Variants in NCAM1 observed in about 807,000 individuals in gnomAD.
The protein encoded by NCAM1 is antigen recognized by monoclonal antibody 5.1H11.
A neutral mutation model predicts 109.8 loss-of-function variants in NCAM1; 14 were observed. The observed-to-expected ratio is 0.13, with a 90% CI of 0.08 to 0.20. The LOEUF is 0.20. Ranked by LOEUF, NCAM1 falls within the 10% of genes least tolerant of loss-of-function variation. The pLI is 1.00. For missense variants in NCAM1, 774 were observed against 1,109.9 expected (o/e 0.70, Z 4.30); for synonymous variants, 418 against 442.9 (o/e 0.94, Z 0.70).
chr11:113,243,490 C>T (rs1003027635), intron 14 of NCAM1: 60 of 494,848 alleles, frequency 1.2e-4, no homozygotes, highest in South Asian at 7.8e-4. Flanking sequence ...GATGAAAGTG[C>T]TGGAATTTAT....
At chr11:113,082,026 A>T (rs1938845467) in intron 1 of NCAM1, among the ~76,000 whole-genome samples, 1 of 152,138 alleles carries the variant, frequency 6.6e-6, no homozygotes, top group African/African-American at 2.4e-5. Context: ...CTGTACTAAT[A>T]TTGTCTTTTA....
chr11:113,007,875 G>C (rs1186278400), intron 1 of NCAM1, among the ~76,000 whole-genome samples: 1 of 152,128 alleles, frequency 6.6e-6, no homozygotes, highest in Non-Finnish European at 1.5e-5. Context: ...TGTGAAGAAG[G>C]GTTAGAGATA....
At chr11:113,042,173 T>C (rs1555080069) in intron 1 of NCAM1, among the ~76,000 whole-genome samples, 1 of 152,194 alleles carries the variant, frequency 6.6e-6, no homozygotes, top group East Asian at 1.9e-4. Flanking sequence ...CAGGGCTTCC[T>C]TGTGCCTGAG....
intron 18 of NCAM1, 144 bp downstream of exon 18, chr11:113,270,539 T>G: frequency 1.3e-6 from 1 of 762,090 alleles, no homozygotes; most frequent in South Asian, 1.8e-5. Flanking sequence ...GGGAAAAACA[T>G]TAGAGAAAAG....
chr11:112,974,287 G>T (rs1219759315), intron 1 of NCAM1, among the ~76,000 whole-genome samples: 3 of 151,910 alleles, frequency 2.0e-5, no homozygotes, highest in African/African-American at 7.2e-5. Flanking sequence ...CTTTTTGTCT[G>T]AATTCCTCTT....
chr11:113,266,088 G>C (rs1240073869), intron 17 of NCAM1, among the ~76,000 whole-genome samples: 1 of 152,176 alleles, frequency 6.6e-6, no homozygotes, highest in African/African-American at 2.4e-5. Flanking sequence ...GTTAGTCAAG[G>C]GAGGGCTGAG....
chr11:113,262,751 C>A, intron 17 of NCAM1: 1 of 1,383,962 alleles, frequency 7.2e-7, no homozygotes, highest in Non-Finnish European at 1.0e-6. Context: ...TGTCGTCACA[C>A]TTGTCACCTT....
chr11:113,043,893 T>C (rs1305160776), intron 1 of NCAM1, among the ~76,000 whole-genome samples: 6 of 151,740 alleles, frequency 4.0e-5, no homozygotes, highest in Non-Finnish European at 5.9e-5. Context: ...GCAGGTGCTC[T>C]GCAAGTGTTT....
chr11:113,001,945 C>G (rs782459714), intron 1 of NCAM1, among the ~76,000 whole-genome samples: 8 of 152,172 alleles, frequency 5.3e-5, no homozygotes, highest in Non-Finnish European at 1.2e-4. Flanking sequence ...GGCAGCTTCT[C>G]TCCGTGGAGA....
At chr11:113,090,347 A>C (rs535942923) in intron 1 of NCAM1, among the ~76,000 whole-genome samples, 1 of 152,334 alleles carries the variant, frequency 6.6e-6, no homozygotes, top group Non-Finnish European at 1.5e-5. Context: ...GTAAGGGAGA[A>C]GTTTTGCATC....
intron 1 of NCAM1, among the ~76,000 whole-genome samples, chr11:113,042,494 G>A (rs1488841406): frequency 3.3e-5 from 5 of 152,056 alleles, no homozygotes; most frequent in Non-Finnish European, 7.4e-5. Flanking sequence ...CCCAGTCCCC[G>A]AATGCAGGTG....
At chr11:113,089,719 A>C (rs1173939610) in intron 1 of NCAM1, among the ~76,000 whole-genome samples, 1 of 152,008 alleles carries the variant, frequency 6.6e-6, no homozygotes, top group Non-Finnish European at 1.5e-5. Context: ...AAAGAACAGA[A>C]TGTTTTACAA....
chr11:113,050,566 G>GGTA (rs1953442444), intron 1 of NCAM1, among the ~76,000 whole-genome samples: 1 of 152,026 alleles, frequency 6.6e-6, no homozygotes, highest in African/African-American at 2.4e-5. Flanking sequence ...GTACCATGCT[G>GGTA]TTTTGGTTAC....
intron 15 of NCAM1, among the ~76,000 whole-genome samples, chr11:113,253,597 C>T (rs982708677): frequency 4.6e-5 from 7 of 152,156 alleles, no homozygotes; most frequent in Non-Finnish European, 2.9e-5. Flanking sequence ...ATTGATTCAG[C>T]CTTGAAAACT....
At chr11:113,188,960 C>A (rs1378018917) in intron 1 of NCAM1, among the ~76,000 whole-genome samples, 1 of 152,106 alleles carries the variant, frequency 6.6e-6, no homozygotes, top group Non-Finnish European at 1.5e-5. Context: ...TAAACTTCCA[C>A]CTCCAGAAAA....
chr11:112,976,235 A>T (rs1201563288), intron 1 of NCAM1, among the ~76,000 whole-genome samples: 1 of 151,994 alleles, frequency 6.6e-6, no homozygotes, highest in African/African-American at 2.4e-5. Context: ...TTTGTTTGTG[A>T]TAAGTGAGTA....
chr11:113,108,425 C>T (rs909006804), intron 1 of NCAM1, among the ~76,000 whole-genome samples: 5 of 152,230 alleles, frequency 3.3e-5, no homozygotes, highest in South Asian at 4.2e-4. Flanking sequence ...CTCTGACTTT[C>T]GGGTAATTGC....
At chr11:113,139,089 G>A (rs940820793) in intron 1 of NCAM1, among the ~76,000 whole-genome samples, 1 of 152,198 alleles carries the variant, frequency 6.6e-6, no homozygotes, top group South Asian at 2.1e-4. Context: ...TTTCTCCAAG[G>A]CTTTCTTTGA....
chr11:112,987,332 T>C (rs1398448613), intron 1 of NCAM1, among the ~76,000 whole-genome samples: 1 of 152,136 alleles, frequency 6.6e-6, no homozygotes, highest in Non-Finnish European at 1.5e-5. Flanking sequence ...GTCCTGGAGA[T>C]TGTTCCATGT....
Sources: allele counts gnomAD v4.1 joint callset (sites outside exome capture counted in the v4.1 genomes callset), GRCh38; gene constraint gnomAD v4.1.1; transcripts MANE v1.5; gene names NCBI Gene and HGNC (gene_info 2026-07-23, HGNC 2026-07-21).